Variants in CDON observed in about 807,000 individuals in gnomAD.
CDON encodes the protein cell adhesion associated, oncogene regulated, also known as cell adhesion molecule-related/down-regulated by oncogenes.
Under a neutral mutation model 120.9 loss-of-function variants are expected in CDON, and 73 were observed. The observed-to-expected ratio is 0.60, with a 90% confidence interval of 0.50 to 0.73. CDON has a LOEUF of 0.73. Among genes scored for constraint, CDON ranks in the 30% least tolerant of loss-of-function variants. The pLI, the probability that CDON is intolerant of heterozygous loss-of-function variation, is 0.00. For synonymous variants in CDON, 566 were observed against 573.5 expected, an observed-to-expected ratio of 0.99 and a Z score of 0.19; for missense variants, 1,470 against 1,587.3, an observed-to-expected ratio of 0.93 and a Z score of 1.26.
In CDON at chr11:126,003,962, C is replaced by T; in HGVS notation, c.1966G>A (p.Val656Ile). The T allele has an allele frequency of 6.2e-7, 1 of 1,614,032 alleles. No individual in the cohort carries two copies. Among genetic ancestry groups the T allele is most frequent in the Non-Finnish European group, 8.5e-7 (1 of 1,179,936 alleles). Reference protein sequence around the residue: ...EPSSLYEVLMVARSAAGEGQP... With the variant: ...EPSSLYEVLMIARSAAGEGQP... ...CCTTCACCTGCTGCGCTTCTTGCTA[C>T]CATCAAGACTTCATAAAGACTAGAT... The change falls in exon 10 of 20, where the codon GTA becomes ATA. Residue 656 changes from valine to isoleucine, a missense_variant. Transcript: ENST00000531738.
At position 125,958,169 on chromosome 11, in the gene CDON, G is replaced by A. The variant is rs990582134; in HGVS notation, c.*2773C>T. On this transcript the variant is annotated 3_prime_UTR_variant, in exon 20 of 20. Coordinates refer to ENST00000531738, the MANE Select transcript of CDON (RefSeq NM_001378964.1). Reference sequence around the variant, plus strand: ...ACGGCAGGGATAGATCACAGCATACGGAACGGGACTGGTTCCATCCAAAGA... The same window carrying A: ...ACGGCAGGGATAGATCACAGCATACAGAACGGGACTGGTTCCATCCAAAGA... 6.6e-6 allele frequency: 1 copy of A among 152,174 alleles called. No individual in the cohort carries two copies. Among genetic ancestry groups the A allele is most frequent in the East Asian group, 1.9e-4 (1 of 5,196 alleles). 9.4% of individuals were successfully genotyped at this position (152,174 alleles called of 1,614,324 possible).
chr11:126,003,096 G>A (rs1947002051), intron 10 of CDON, among the ~76,000 whole-genome samples: 1 of 152,040 alleles, frequency 6.6e-6, no homozygotes, highest in Non-Finnish European at 1.5e-5. Context: ...TATACTTCCT[G>A]TATCCACCCC....
chr11:125,976,782 C>T (rs776391452), intron 18 of CDON, among the ~76,000 whole-genome samples: 12 of 152,114 alleles, frequency 7.9e-5, no homozygotes, highest in Non-Finnish European at 1.2e-4. Flanking sequence ...CAGAGACTAC[C>T]GTCAGATTAT....
Position 126,018,269 on chromosome 11 carries a change from T to C in CDON, c.640+61A>G, listed in dbSNP as rs946540362. On this transcript the variant is annotated intron_variant, in intron 5 of 19. Transcript: ENST00000531738. ...ATTTGAAAAAAAAATGAACTATCAT[T>C]GCCCAACTTTTTATGAGGACTCTTC... 1.8e-5 allele frequency: 27 copies of C among 1,534,680 alleles called. No homozygotes were observed. In the Admixed American group the frequency reaches 4.5e-4, roughly 26 times the overall value.
In CDON at chr11:125,978,345, A is replaced by C. The variant is rs777571952; in HGVS notation, c.3315T>G (p.Pro1105=). The change falls in exon 18 of 20, where the codon CCT becomes CCG. Residue 1105 remains proline, a synonymous_variant. Coordinates refer to ENST00000531738, the MANE Select transcript of CDON (RefSeq NM_001378964.1). Reference sequence around the variant, plus strand: ...AATTTCGGCAGTTAACACACTCCAGAGGGTCAATCTGAGGCACGGCCGTGT... The same window carrying C: ...AATTTCGGCAGTTAACACACTCCAGCGGGTCAATCTGAGGCACGGCCGTGT... ...GMYTAVPQID[P]LECVNCRNCR... is the part of the protein sequence containing the mutation. The C allele has an allele frequency of 1.9e-6, 3 of 1,610,192 alleles. No homozygotes were observed. In the South Asian group the frequency reaches 3.3e-5, roughly 18 times the overall value.
chr11:125,989,787 C>T (rs1462928502), intron 14 of CDON, 28 bp from the exon 15 acceptor site: 2 of 1,601,598 alleles, frequency 1.2e-6, no homozygotes, highest in South Asian at 1.1e-5. Context: ...AGGCTTTACA[C>T]ATCATACAGC....
At position 125,961,968 on chromosome 11, in the gene CDON, G is replaced by C; in HGVS notation, c.3387C>G (p.Ser1129Arg). Residue 1129 changes from serine (S) to arginine (R), a missense_variant, in exon 19 of 20, where the codon AGC becomes AGG. Physicochemically the swap from Ser to Arg is moderately radical, Grantham distance 110. Transcript: ENST00000531738. ...RCFTKTNSTFSSSPPPVVPVV... is the reference protein window; with the variant it reads ...RCFTKTNSTFRSSPPPVVPVV... ...CAGGGACCACAGGAGGAGGGCTGCTGCTGAAAGTGCTGTTGGTTTTGGTGA... is the reference window on the plus strand; with the variant it reads ...CAGGGACCACAGGAGGAGGGCTGCTCCTGAAAGTGCTGTTGGTTTTGGTGA... 6.2e-7 allele frequency: 1 copy of C among 1,614,216 alleles called. No homozygotes were observed. Among genetic ancestry groups the C allele is most frequent in the South Asian group, 1.1e-5 (1 of 91,078 alleles).
rs567986165 is a variant in CDON at position 126,045,472 on chromosome 11, T to C, written c.-62+17107A>G. 1.8e-4 allele frequency among the ~76,000 whole-genome samples: 27 copies of C among 152,324 alleles called. No homozygotes were observed. The South Asian group carries it at 5.6e-3, about 32-fold the overall frequency. On this transcript the variant is annotated intron_variant, in intron 1 of 19. Transcript: ENST00000531738. ...AAAAATAGTTCTCAATCATTAAACA[T>C]AACAATAGCAATCTAAACGTTTTTA...
chr11:126,019,267 T>A (rs1311190624), intron 4 of CDON, among the ~76,000 whole-genome samples: 1 of 152,070 alleles, frequency 6.6e-6, no homozygotes, highest in Non-Finnish European at 1.5e-5. Flanking sequence ...AGACAAACAA[T>A]AATAAACTAA....
At chr11:126,043,390 T>C (rs1948318074) in intron 1 of CDON, among the ~76,000 whole-genome samples, 1 of 152,156 alleles carries the variant, frequency 6.6e-6, no homozygotes, top group South Asian at 2.1e-4. Flanking sequence ...TCCCACACTG[T>C]GGAGTGTACT....
rs953453508 is a variant in CDON, at chr11:125,997,339, G to A, written c.2230C>T (p.Arg744Trp). Reference protein sequence around the residue: ...ETSVYVTWIPRANGGSPITAF... With the variant: ...ETSVYVTWIPWANGGSPITAF... ...GTGATTGGAGAACCCCCGTTTGCCC[G>A]AGGAATCCAAGTGACATAGACTGAT... Residue 744 changes from arginine to tryptophan, a missense_variant, in exon 12 of 20, where the codon CGG becomes TGG. Coordinates refer to ENST00000531738, the MANE Select transcript of CDON (RefSeq NM_001378964.1). 5.0e-6 allele frequency: 8 copies of A among 1,613,870 alleles called. No individual in the cohort carries two copies. The highest frequency in any genetic ancestry group is 2.2e-5 in the East Asian group (1 of 44,852).
intron 18 of CDON, among the ~76,000 whole-genome samples, chr11:125,976,905 C>G (rs527779940): frequency 1.4e-3 from 212 of 152,302 alleles, no homozygotes; most frequent in Non-Finnish European, 2.3e-3. Context: ...TATGTCACAG[C>G]CCAGGTCTAC....
chr11:126,009,252 C>T (rs1947220879), intron 8 of CDON, among the ~76,000 whole-genome samples: 1 of 152,238 alleles, frequency 6.6e-6, no homozygotes, highest in African/African-American at 2.4e-5. Flanking sequence ...AGAGCAAGGG[C>T]GTCCTTGTTT....
chr11:125,961,191 G>T, intron 19 of CDON, 86 bp from the exon 20 acceptor site: 1 of 1,246,962 alleles, frequency 8.0e-7, no homozygotes, highest in Non-Finnish European at 1.2e-6. Flanking sequence ...CACACTTTGA[G>T]CCAAGAAGAA....
intron 1 of CDON, among the ~76,000 whole-genome samples, chr11:126,047,945 A>G (rs1948444122): frequency 6.6e-6 from 1 of 152,212 alleles, no homozygotes; most frequent in Non-Finnish European, 1.5e-5. Flanking sequence ...ATCTACTTCC[A>G]GAGAGTAGTA....
At chr11:126,019,061 T>G (rs1398078935) in intron 4 of CDON, among the ~76,000 whole-genome samples, 3 of 152,176 alleles carry the variant, frequency 2.0e-5, no homozygotes, top group Non-Finnish European at 4.4e-5. Context: ...TTGGCAAACC[T>G]CTAGCTACAG....
At chr11:126,047,194 G>C (rs1459481304) in intron 1 of CDON, among the ~76,000 whole-genome samples, 2 of 152,068 alleles carry the variant, frequency 1.3e-5, no homozygotes, top group Non-Finnish European at 2.9e-5. Context: ...TTATTTACCT[G>C]GTATTAAACT....
intron 12 of CDON, among the ~76,000 whole-genome samples, chr11:125,996,639 G>T (rs1406428867): frequency 7.4e-6 from 1 of 135,214 alleles, no homozygotes; most frequent in Non-Finnish European, 1.5e-5. Flanking sequence ...GGTGGAGGTT[G>T]CAGTGAGCCG....
rs1312271507 is a variant in CDON at position 126,034,200 on chromosome 11, A to G, written c.-61-10663T>C. Reference sequence around the variant, plus strand: ...ACTTCTCCCAAGTCTCAGTCGAGTCAGCCAAGCATACAAACGATCCTGCTG... The same window carrying G: ...ACTTCTCCCAAGTCTCAGTCGAGTCGGCCAAGCATACAAACGATCCTGCTG... On this transcript the variant is annotated intron_variant, in intron 1 of 19. Transcript: ENST00000531738. This position sits in a 1 kb window ranked among gnomAD's most constrained non-coding sequence, Gnocchi z 4.5. 2.0e-5 allele frequency among the ~76,000 whole-genome samples: 3 copies of G among 152,174 alleles called. No individual in the cohort carries two copies. The highest frequency in any genetic ancestry group is 7.2e-5 in the African/African-American group (3 of 41,448).
Sources: allele counts gnomAD v4.1 joint callset (sites outside exome capture counted in the v4.1 genomes callset), GRCh38; gene constraint gnomAD v4.1.1; non-coding constraint Gnocchi (gnomAD v3.1); transcripts MANE v1.5; gene names NCBI Gene and HGNC (gene_info 2026-07-23, HGNC 2026-07-21).